Variants in DPP6 observed in about 807,000 individuals in gnomAD.
The protein encoded by DPP6 is dipeptidyl peptidase like 6, also known as A-type potassium channel modulatory protein DPP6.
In DPP6, 69 loss-of-function variants were observed where a neutral mutation model predicts 122.6. The observed-to-expected ratio is 0.56, with a 90% CI of 0.46 to 0.69. DPP6 has a LOEUF of 0.69. Ranked by LOEUF, DPP6 falls within the 30% of genes least tolerant of loss-of-function variation. The pLI is 0.00. For synonymous variants in DPP6, 418 were observed against 433.1 expected (o/e 0.97, Z 0.43); for missense variants, 928 against 1,116.9 (o/e 0.83, Z 2.41).
intron 6 of DPP6, 68 bp downstream of exon 6, chr7:154,637,941 G>A (rs1417358835): frequency 6.6e-6 from 10 of 1,512,172 alleles, no homozygotes; most frequent in East Asian, 4.9e-5. Flanking sequence ...GAACATGGAC[G>A]AGCTGTTTAA....
At chr7:153,873,350 A>G in the DPP6 span, among the ~76,000 whole-genome samples, 1 of 152,196 alleles carries the variant, frequency 6.6e-6, no homozygotes, top group Non-Finnish European at 1.5e-5. Flanking sequence ...AAACAAACCA[A>G]AAGATAGCAA....
chr7:154,417,337 G>T (rs1022261459), intron 1 of DPP6, among the ~76,000 whole-genome samples: 1 of 152,196 alleles, frequency 6.6e-6, no homozygotes, highest in South Asian at 2.1e-4. Context: ...TAGGTTTGGG[G>T]TGATGGCCCC....
rs547068253 is a variant in DPP6 at position 154,618,017 on chromosome 7, C to A, written c.628-19804C>A. On this transcript the variant is annotated intron_variant, in intron 5 of 25. Coordinates refer to ENST00000377770, the MANE Select transcript of DPP6 (RefSeq NM_130797.4). This position sits in a 1 kb window ranked among gnomAD's most constrained non-coding sequence, Gnocchi z 4.1. Reference sequence around the variant, plus strand: ...GCAGACCCGGGACTCAAACGATGTGCAAAGGCCTCAGTTTCTCTCTTGGTC... The same window carrying A: ...GCAGACCCGGGACTCAAACGATGTGAAAAGGCCTCAGTTTCTCTCTTGGTC... Among the ~76,000 whole-genome samples, 4 of 152,272 alleles carry A rather than the reference C, an allele frequency of 2.6e-5. No individual in the cohort carries two copies. The highest frequency in any genetic ancestry group is 9.6e-5 in the African/African-American group (4 of 41,536).
At chr7:154,587,511 C>A in intron 5 of DPP6, 2 of 881,716 alleles carry the variant, frequency 2.3e-6, no homozygotes, top group Non-Finnish European at 3.4e-6. Flanking sequence ...TGTACCTCTG[C>A]TTGAAGACCC....
chr7:154,339,201 C>G (rs1809698448), intron 1 of DPP6, among the ~76,000 whole-genome samples: 1 of 152,176 alleles, frequency 6.6e-6, no homozygotes, highest in South Asian at 2.1e-4. Flanking sequence ...TTCTTTGGCA[C>G]GCGTTAAGCA....
intron 1 of DPP6, among the ~76,000 whole-genome samples, chr7:154,387,010 A>G (rs1814173570): frequency 1.3e-5 from 2 of 152,128 alleles, no homozygotes; most frequent in Admixed American, 6.5e-5. Context: ...TTCCAGAGTG[A>G]GGTTACAGAA....
At chr7:153,895,616 T>C (rs1300788851) in intron 1 of DPP6, among the ~76,000 whole-genome samples, 1 of 70,478 alleles carries the variant, frequency 1.4e-5, no homozygotes, top group Non-Finnish European at 3.0e-5. Flanking sequence ...ATGGCATCAA[T>C]GTATAGTCCT....
At chr7:154,549,209 C>A (rs930708872) in intron 4 of DPP6, among the ~76,000 whole-genome samples, 8 of 152,210 alleles carry the variant, frequency 5.3e-5, no homozygotes, top group African/African-American at 2.4e-5. Context: ...AACACACCAA[C>A]AAAGTTGGAC....
At chr7:154,431,492 TTTTCTTTTCTTTTC>T (rs1818401049) in intron 1 of DPP6, among the ~76,000 whole-genome samples, 2 of 126,700 alleles carry the variant, frequency 1.6e-5, no homozygotes, top group Middle Eastern at 3.5e-3. Context: ...TTTTCTTTTC[TTTTCTTTTCTTTTC>T]TTTCTTTTAT....
intron 7 of DPP6, among the ~76,000 whole-genome samples, chr7:154,697,819 C>T (rs944416684): frequency 3.3e-5 from 5 of 152,280 alleles, no homozygotes; most frequent in African/African-American, 4.8e-5. Flanking sequence ...GCGTGCGCGG[C>T]TCTGTCTGTA....
chr7:154,573,911 A>G (rs1586657867), intron 5 of DPP6, among the ~76,000 whole-genome samples: 1 of 152,216 alleles, frequency 6.6e-6, no homozygotes, highest in African/African-American at 2.4e-5. Context: ...CAGCAGCCTC[A>G]GAGGAAAGAG....
intron 3 of DPP6, among the ~76,000 whole-genome samples, chr7:154,493,013 C>T (rs899474917): frequency 7.2e-5 from 11 of 152,128 alleles, no homozygotes; most frequent in South Asian, 6.2e-4. Flanking sequence ...CCCCCGTGTG[C>T]GGGTTAAACT....
At chr7:153,956,320 A>G (rs1563046323) in intron 1 of DPP6, among the ~76,000 whole-genome samples, 1 of 152,172 alleles carries the variant, frequency 6.6e-6, no homozygotes, top group Non-Finnish European at 1.5e-5. Context: ...AAGGCAGGAC[A>G]TGGAGGATGG....
At chr7:154,823,664 AG>A (rs1799947528) in intron 16 of DPP6, among the ~76,000 whole-genome samples, 1 of 152,232 alleles carries the variant, frequency 6.6e-6, no homozygotes, top group Admixed American at 6.5e-5. Flanking sequence ...CTCTCGTCCC[AG>A]GAGTTCTCCA....
At chr7:154,198,100 C>A (rs116921833) in intron 1 of DPP6, among the ~76,000 whole-genome samples, 1 of 152,110 alleles carries the variant, frequency 6.6e-6, no homozygotes, top group Non-Finnish European at 1.5e-5. Context: ...TGCAAACTTA[C>A]GATCATCCTG....
chr7:153,849,176 A>G, the DPP6 span, among the ~76,000 whole-genome samples: 1 of 152,182 alleles, frequency 6.6e-6, no homozygotes, highest in Non-Finnish European at 1.5e-5. Flanking sequence ...GCCTTGCATT[A>G]ATGTTTGACT....
At chr7:154,239,175 T>A (rs187815848) in intron 1 of DPP6, among the ~76,000 whole-genome samples, 1 of 152,334 alleles carries the variant, frequency 6.6e-6, no homozygotes, top group Admixed American at 6.5e-5. Flanking sequence ...TTCAGACACT[T>A]TCTGTCCACC....
chr7:154,617,643 A>G (rs1289870269), intron 5 of DPP6, among the ~76,000 whole-genome samples: 1 of 152,212 alleles, frequency 6.6e-6, no homozygotes, highest in Non-Finnish European at 1.5e-5. Context: ...GGATGGACAA[A>G]TGTATGTGTG....
intron 1 of DPP6, among the ~76,000 whole-genome samples, chr7:154,234,684 C>T (rs1801102288): frequency 6.6e-6 from 1 of 152,164 alleles, no homozygotes; most frequent in Non-Finnish European, 1.5e-5. Context: ...CACACATGCA[C>T]ACACACTTTC....
Sources: allele counts gnomAD v4.1 joint callset (sites outside exome capture counted in the v4.1 genomes callset), GRCh38; gene constraint gnomAD v4.1.1; non-coding constraint Gnocchi (gnomAD v3.1); transcripts MANE v1.5; gene names NCBI Gene and HGNC (gene_info 2026-07-23, HGNC 2026-07-21).